Variants in KLK11 observed in about 807,000 individuals in gnomAD.
The protein encoded by KLK11 is kallikrein related peptidase 11.
KLK11 carries 10 observed loss-of-function variants against 23.4 expected under a neutral mutation model. The ratio of observed to expected loss-of-function variants is 0.43; its 90% CI spans 0.26 to 0.73. The LOEUF (loss-of-function observed/expected upper bound fraction) is 0.73. Among genes scored for constraint, KLK11 ranks in the 30% least tolerant of loss-of-function variants. The pLI is 0.22. For missense variants in KLK11, 285 were observed against 327.8 expected (o/e 0.87, Z 1.01); for synonymous variants, 131 against 131.7 (o/e 0.99, Z 0.03).
rs2091477283 is a variant in KLK11, at chr19:51,025,798, C to A, written c.-35-132G>T. The A allele has an allele frequency of 5.9e-6, 3 of 512,056 alleles. No homozygotes were observed. The highest frequency in any genetic ancestry group is 4.0e-5 in the African/African-American group (2 of 49,970). 31.7% of individuals were successfully genotyped at this position (512,056 alleles called of 1,614,324 possible). A position where few individuals can be genotyped will look rare whatever the true frequency, so the allele number is the denominator to read the frequency against. Reference sequence around the variant, plus strand: ...TTGGGAGAAACAAGGTTGGGGAAATCCCCTGTTTCTCACAGCACTCAGATC... The same window carrying A: ...TTGGGAGAAACAAGGTTGGGGAAATACCCTGTTTCTCACAGCACTCAGATC... On this transcript the variant is annotated intron_variant, in intron 1 of 5. Coordinates refer to ENST00000453757, the MANE Select transcript of KLK11 (RefSeq NM_001136032.3). This position sits in a 1 kb window ranked among gnomAD's most constrained non-coding sequence, Gnocchi z 6.2.
chr19:51,026,049 T>TG (rs2091482015), intron 1 of KLK11, among the ~76,000 whole-genome samples: 1 of 152,098 alleles, frequency 6.6e-6, no homozygotes, highest in Non-Finnish European at 1.5e-5. Flanking sequence ...CCCAGCAGCT[T>TG]GGGGTGGAAG....
chr19:51,026,653 G>A (rs1456612223), upstream of KLK11: 3 of 963,476 alleles, frequency 3.1e-6, no homozygotes, highest in Non-Finnish European at 3.7e-6. Context: ...AGGCGGGCTG[G>A]CAGGGGGGCG....
intron 1 of KLK11, among the ~76,000 whole-genome samples, chr19:51,026,158 G>A (rs2091483527): frequency 6.6e-6 from 1 of 152,042 alleles, no homozygotes; most frequent in African/African-American, 2.4e-5. Flanking sequence ...GGGGAGTAGG[G>A]GGCTCAGCCC....
chr19:51,023,323 T>C lies in KLK11; in HGVS notation c.464-95A>G, dbSNP rs558802584. The stretch of plus-strand genomic sequence containing the variant: ...GATCCCGCCCCTGGGGGAATCCCTG[T>C]CCTTAGACGCAGCCAACTCACCTCT... On this transcript the variant is annotated intron_variant, in intron 4 of 5. Coordinates refer to ENST00000453757, the MANE Select transcript of KLK11 (RefSeq NM_001136032.3). The C allele has an allele frequency of 8.8e-6, 13 of 1,477,458 alleles. No homozygotes were observed. The African/African-American group carries it at 9.8e-5, about 11-fold the overall frequency. 91.5% of individuals were successfully genotyped at this position (1,477,458 alleles called of 1,614,324 possible).
At position 51,024,057 on chromosome 19, in the gene KLK11, A is replaced by G; in HGVS notation, c.451T>C (p.Ser151Pro). Residue 151 changes from serine (S) to proline (P), a missense_variant, in exon 4 of 6, where the codon TCC (serine) becomes CCC (proline). Coordinates refer to ENST00000453757, the MANE Select transcript of KLK11 (RefSeq NM_001136032.3). The surrounding 1 kb of genome is among the most constrained non-coding windows in gnomAD (Gnocchi z 6.2). The part of the protein sequence containing the change: ...SCLISGWGST[S>P]SPQLRLPHTL... ...CTGGTGCTCCTACACTGGGGGCTGG[A>G]CGTGCTGCCCCAGCCGGAAATGAGG... 1.3e-6 allele frequency: 2 copies of G among 1,542,980 alleles called. No individual in the cohort carries two copies. Among genetic ancestry groups the G allele is most frequent in the Non-Finnish European group, 1.8e-6 (2 of 1,139,670 alleles).
upstream of KLK11, chr19:51,027,703 T>G: frequency 6.7e-6 from 4 of 593,830 alleles, no homozygotes; most frequent in East Asian, 2.9e-5. Flanking sequence ...CTACTATGAC[T>G]ACCCTTATGA....
intron 5 of KLK11, 56 bp downstream of exon 5, chr19:51,023,036 A>C (rs1309479364): frequency 6.5e-7 from 1 of 1,541,300 alleles, no homozygotes; most frequent in African/African-American, 1.4e-5. Context: ...GATGTCGGTA[A>C]AGATGTCATT....
At chr19:51,022,944 C>G (rs1281814655) in intron 5 of KLK11, 148 bp downstream of exon 5, 5 of 991,486 alleles carry the variant, frequency 5.0e-6, no homozygotes, top group Middle Eastern at 2.1e-4. Flanking sequence ...GAAGTTTGTG[C>G]TGAGGTCAGA....
rs2091490254 is a variant in KLK11, at chr19:51,026,603, A to G, written c.-101T>C. 4 of 986,788 alleles carry G rather than the reference A, an allele frequency of 4.1e-6. No homozygotes were observed. Among genetic ancestry groups the G allele is most frequent in the Admixed American group, 6.1e-5 (1 of 16,268 alleles). The allele number at this position is 986,788 out of a possible 1,614,324, so 61.1% of individuals were successfully genotyped here. Reference sequence around the variant, plus strand: ...AGACGGCAGTGGCGGCAGCTACAGCAGGTAGGCTGGGTTGGAGCGCCAGGT... The same window carrying G: ...AGACGGCAGTGGCGGCAGCTACAGCGGGTAGGCTGGGTTGGAGCGCCAGGT... On this transcript the variant is annotated 5_prime_UTR_variant, in exon 1 of 6. Transcript: ENST00000453757.
chr19:51,023,893 C>G, intron 4 of KLK11, 152 bp downstream of exon 4: 3 of 646,204 alleles, frequency 4.6e-6, no homozygotes, highest in Non-Finnish European at 7.2e-6. Flanking sequence ...CAACTTTTGT[C>G]CCCACCCCCC....
At position 51,022,494 on chromosome 19, in the gene KLK11, C is replaced by A; in HGVS notation, c.*51G>T. 7 of 1,610,780 alleles carry A rather than the reference C, an allele frequency of 4.3e-6. No individual in the cohort carries two copies. The highest frequency in any genetic ancestry group is 5.9e-6 in the Non-Finnish European group (7 of 1,177,210). On this transcript the variant is annotated 3_prime_UTR_variant, in exon 6 of 6. Transcript: ENST00000453757. ...TCTTATTAACAGAGTGAACAGGAAC[C>A]AAACACCAAGTGGAAATGGAGGGTG... is the stretch of plus-strand genomic sequence containing the variant.
rs2091464617 is a variant in KLK11, at chr19:51,025,274, A to AG, written c.40+317_40+318insC. Among the ~76,000 whole-genome samples the AG allele has an allele frequency of 7.2e-6, 1 of 139,622 alleles. No homozygotes were observed. The highest frequency in any genetic ancestry group is 3.5e-3 in the Middle Eastern group (1 of 282). 91.6% of individuals were successfully genotyped at this position (139,622 alleles called of 152,430 possible). A position where few individuals can be genotyped will look rare whatever the true frequency, so the allele number is the denominator to read the frequency against. On this transcript the variant is annotated intron_variant, in intron 2 of 5. Transcript: ENST00000453757. The surrounding 1 kb of genome is among the most constrained non-coding windows in gnomAD (Gnocchi z 6.2). ...ATAGAGCAAGACTTTGTCTCTGGGA[A>AG]AAAAAAAAAAGGAAATACTTCCATA...
rs765607171 is a variant in KLK11, at chr19:51,024,225, G to T, written c.283C>A (p.His95Asn). The change falls in exon 4 of 6, where the codon CAC becomes AAC. Residue 95 changes from histidine (H) to asparagine (N), a missense_variant. His to Asn is a moderately conservative substitution (Grantham distance 68). Coordinates refer to ENST00000453757, the MANE Select transcript of KLK11 (RefSeq NM_001136032.3). This position sits in a 1 kb window ranked among gnomAD's most constrained non-coding sequence, Gnocchi z 6.2. ...GGGAGGCTGTTGTTGAAGCCGGGGT[G>T]GGGGAAGGACTCAGTGGCTGTCCGG... ...QTRTATESFP[H>N]PGFNNSLPNK... 8.1e-6 allele frequency: 13 copies of T among 1,614,048 alleles called. No individual in the cohort carries two copies. The highest frequency in any genetic ancestry group is 1.3e-5 in the African/African-American group (1 of 75,000).
In KLK11 at chr19:51,024,521, A is replaced by G; in HGVS notation, c.197+117T>C. The G allele has an allele frequency of 7.9e-7, 1 of 1,271,454 alleles. No homozygotes were observed. Among genetic ancestry groups the G allele is most frequent in the Non-Finnish European group, 1.1e-6 (1 of 949,698 alleles). 78.8% of individuals were successfully genotyped at this position (1,271,454 alleles called of 1,614,324 possible). A position where few individuals can be genotyped will look rare whatever the true frequency, so the allele number is the denominator to read the frequency against. ...CAACTCGAGCCCATCAACCTTGCTG[A>G]CACTACCCATCCCCATCTCTAATCC... On this transcript the variant is annotated intron_variant, in intron 3 of 5. Coordinates refer to ENST00000453757, the MANE Select transcript of KLK11 (RefSeq NM_001136032.3). The surrounding 1 kb of genome is among the most constrained non-coding windows in gnomAD (Gnocchi z 6.2).
At position 51,025,094 on chromosome 19, in the gene KLK11, C is replaced by G. The variant is rs1035807021; in HGVS notation, c.41-300G>C. Among the ~76,000 whole-genome samples, 1 of 152,052 alleles carries G rather than the reference C, an allele frequency of 6.6e-6. No individual in the cohort carries two copies. The highest frequency in any genetic ancestry group is 1.5e-5 in the Non-Finnish European group (1 of 67,994). On this transcript the variant is annotated intron_variant, in intron 2 of 5. Coordinates refer to ENST00000453757, the MANE Select transcript of KLK11 (RefSeq NM_001136032.3). This position sits in a 1 kb window ranked among gnomAD's most constrained non-coding sequence, Gnocchi z 6.2. Reference sequence around the variant, plus strand: ...GCAAACATAGTGAGACCTCCTCCCCCATCTCTACAAACAATTAAACAATTA... The same window carrying G: ...GCAAACATAGTGAGACCTCCTCCCCGATCTCTACAAACAATTAAACAATTA...
Position 51,024,469 on chromosome 19 carries a change from C to T in KLK11, c.198-159G>A. 1 of 1,285,058 alleles carries T rather than the reference C, an allele frequency of 7.8e-7. No individual in the cohort carries two copies. The highest frequency in any genetic ancestry group is 1.1e-6 in the Non-Finnish European group (1 of 951,176). The allele number at this position is 1,285,058 out of a possible 1,614,324, so 79.6% of individuals were successfully genotyped here. A position where few individuals can be genotyped will look rare whatever the true frequency, so the allele number is the denominator to read the frequency against. On this transcript the variant is annotated intron_variant, in intron 3 of 5. Coordinates refer to ENST00000453757, the MANE Select transcript of KLK11 (RefSeq NM_001136032.3). The surrounding 1 kb of genome is among the most constrained non-coding windows in gnomAD (Gnocchi z 6.2). Reference sequence around the variant, plus strand: ...CTTCCCAGCCATAGCCCCATCCCAACCCCATTCATCCCCCCACCTTCAATA... The same window carrying T: ...CTTCCCAGCCATAGCCCCATCCCAATCCCATTCATCCCCCCACCTTCAATA...
chr19:51,025,764 G>A lies in KLK11; in HGVS notation c.-35-98C>T, dbSNP rs183708286. 4.6e-4 allele frequency: 246 copies of A among 532,480 alleles called. 1 individual carries two copies. The East Asian group carries it at 7.3e-3, about 16-fold the overall frequency. 33.0% of individuals were successfully genotyped at this position (532,480 alleles called of 1,614,324 possible). A position where few individuals can be genotyped will look rare whatever the true frequency, so the allele number is the denominator to read the frequency against. On this transcript the variant is annotated intron_variant, in intron 1 of 5. Transcript: ENST00000453757. The surrounding 1 kb of genome is among the most constrained non-coding windows in gnomAD (Gnocchi z 6.2). The stretch of plus-strand genomic sequence containing the variant: ...TCTCCTCTCTCCCTCACCTGCTCCC[G>A]CTCCCCACTTGGGAGAAACAAGGTT...
rs894343421 is a variant in KLK11 at position 51,024,435 on chromosome 19, C to T, written c.198-125G>A. 103 of 1,454,768 alleles carry T rather than the reference C, an allele frequency of 7.1e-5. 1 individual carries two copies. The Admixed American group carries it at 9.2e-4, about 13-fold the overall frequency. The allele number at this position is 1,454,768 out of a possible 1,614,324, so 90.1% of individuals were successfully genotyped here. A position where few individuals can be genotyped will look rare whatever the true frequency, so the allele number is the denominator to read the frequency against. On this transcript the variant is annotated intron_variant, in intron 3 of 5. Transcript: ENST00000453757. This position sits in a 1 kb window ranked among gnomAD's most constrained non-coding sequence, Gnocchi z 6.2. ...TTCCAACCTCTTCCACGTCTCCCAC[C>T]GAAGCCCCCTTCCCAGCCATAGCCC...
chr19:51,026,491 T>C (rs1351883669), intron 1 of KLK11, 47 bp downstream of exon 1: 7 of 867,694 alleles, frequency 8.1e-6, no homozygotes, highest in Middle Eastern at 1.2e-3. Context: ...TGGGGAGGGC[T>C]GACACCTGGA....
Sources: gnomAD v4.1 joint callset for allele counts (sites outside exome capture counted in the v4.1 genomes callset) on GRCh38, gnomAD v4.1.1 for gene constraint, Gnocchi (gnomAD v3.1) non-coding constraint, MANE v1.5 for transcripts, NCBI Gene and HGNC (gene_info 2026-07-23, HGNC 2026-07-21) for gene names.